The following MARCHF1 variants were observed in gnomAD, a reference collection of about 807,000 sequenced individuals.
MARCHF1 encodes E3 ubiquitin-protein ligase MARCHF1.
In MARCHF1, 40 loss-of-function variants were observed where a neutral mutation model predicts 54.2. The ratio of observed to expected loss-of-function variants is 0.74; its 90% confidence interval spans 0.57 to 0.96. MARCHF1 has a LOEUF of 0.96. Ranked by LOEUF, MARCHF1 falls within the 40% of genes least tolerant of loss-of-function variation. MARCHF1 has a pLI of 0.00. For missense variants in MARCHF1, 586 were observed against 656.5 expected (o/e 0.89, Z 1.17); for synonymous variants, 236 against 236.3 (o/e 1.00, Z 0.01).
At position 163,683,760 on chromosome 4, in the gene MARCHF1, T is replaced by A. The variant is rs79753833; in HGVS notation, c.162+17053A>T. Among the ~76,000 whole-genome samples the A allele has an allele frequency of 1.4e-3, 213 of 152,366 alleles. 7 individuals are homozygous for A. In the East Asian group the frequency reaches 0.039, roughly 28 times the overall value. ...ACACATTATTTCAAAACTTAGTGGC[T>A]TAAAATGATGACAATTTATTTTGCT... On this transcript the variant is annotated intron_variant, in intron 5 of 9. Coordinates refer to ENST00000514618, the MANE Select transcript of MARCHF1 (RefSeq NM_001394959.1).
intron 3 of MARCHF1, among the ~76,000 whole-genome samples, chr4:163,891,100 G>C (rs1750651594): frequency 6.6e-6 from 1 of 152,062 alleles, no homozygotes; most frequent in African/African-American, 2.4e-5. Flanking sequence ...CATGTGAGGA[G>C]AGGAAAGGTC....
intron 4 of MARCHF1, among the ~76,000 whole-genome samples, chr4:163,781,960 A>G (rs1194114947): frequency 6.6e-6 from 1 of 152,180 alleles, no homozygotes; most frequent in African/African-American, 2.4e-5. Context: ...ACATAGGTGA[A>G]GTCAGATAAG....
chr4:164,325,093 G>A (rs1354458337), intron 1 of MARCHF1, among the ~76,000 whole-genome samples: 1 of 151,770 alleles, frequency 6.6e-6, no homozygotes, highest in Non-Finnish European at 1.5e-5. Context: ...ATTAGCATAG[G>A]AATAGTAGAC....
chr4:164,024,512 T>TA (rs1159153639), intron 2 of MARCHF1, among the ~76,000 whole-genome samples: 2 of 152,088 alleles, frequency 1.3e-5, no homozygotes, highest in African/African-American at 2.4e-5. Context: ...GAAGGAGAAA[T>TA]AAAATCCTTC....
chr4:164,309,289 T>C (rs1056567186), intron 1 of MARCHF1, among the ~76,000 whole-genome samples: 12 of 145,778 alleles, frequency 8.2e-5, no homozygotes, highest in South Asian at 4.4e-4. Context: ...TGTGTGCGCG[T>C]GTGTGTCTGT....
chr4:163,795,299 G>T (rs1360071070), intron 4 of MARCHF1, among the ~76,000 whole-genome samples: 1 of 151,946 alleles, frequency 6.6e-6, no homozygotes, highest in Admixed American at 6.6e-5. Context: ...GTGCAATCTT[G>T]GCTCACTGCA....
At chr4:163,626,479 TTTAG>T (rs1425474446) in intron 5 of MARCHF1, among the ~76,000 whole-genome samples, 2 of 152,228 alleles carry the variant, frequency 1.3e-5, no homozygotes, top group Non-Finnish European at 2.9e-5. Context: ...GTTTCTCTTA[TTTAG>T]TAACACATTA....
chr4:164,197,273 C>G, intron 1 of MARCHF1: 1 of 1,611,336 alleles, frequency 6.2e-7, no homozygotes, highest in Non-Finnish European at 8.5e-7. Flanking sequence ...TCCTTGTGGT[C>G]CCAGTAACAG....
chr4:164,014,601 G>A (rs546133564), intron 2 of MARCHF1, among the ~76,000 whole-genome samples: 17 of 151,978 alleles, frequency 1.1e-4, no homozygotes, highest in African/African-American at 3.6e-4. Context: ...ATAGAGTGGT[G>A]GAATCAATAA....
At chr4:163,773,469 C>T (rs1747216018) in intron 4 of MARCHF1, among the ~76,000 whole-genome samples, 1 of 152,052 alleles carries the variant, frequency 6.6e-6, no homozygotes, top group Non-Finnish European at 1.5e-5. Flanking sequence ...TTTTATAAGC[C>T]ACACGAAGAC....
intron 5 of MARCHF1, among the ~76,000 whole-genome samples, chr4:163,697,311 G>A (rs925645565): frequency 1.4e-4 from 22 of 152,126 alleles, no homozygotes; most frequent in African/African-American, 5.3e-4. Context: ...ATCCTTAACA[G>A]GTAGGGTGAA....
At chr4:164,372,469 TA>T (rs1363869634) in intron 1 of MARCHF1, among the ~76,000 whole-genome samples, 1 of 152,174 alleles carries the variant, frequency 6.6e-6, no homozygotes, top group Non-Finnish European at 1.5e-5. Context: ...AAGAAGTCAA[TA>T]TTTTTTAACT....
chr4:163,583,666 T>TTTTTTTTTTG (rs1740310671), intron 8 of MARCHF1: 4 of 139,818 alleles, frequency 2.9e-5, no homozygotes, highest in South Asian at 2.3e-4. Flanking sequence ...TTTTTTTTTT[T>TTTTTTTTTTG]GGAGACAAAG....
intron 5 of MARCHF1, among the ~76,000 whole-genome samples, chr4:163,684,494 C>A (rs530939294): frequency 1.0e-3 from 155 of 152,322 alleles, no homozygotes; most frequent in African/African-American, 3.5e-3. Context: ...AGAGCACTAC[C>A]ATTTGTTCTT....
chr4:164,049,638 C>T (rs574856827), intron 2 of MARCHF1, among the ~76,000 whole-genome samples: 2 of 152,078 alleles, frequency 1.3e-5, no homozygotes, highest in East Asian at 3.9e-4. Context: ...TATCCTTTTT[C>T]TAAATAAAAT....
intron 3 of MARCHF1, among the ~76,000 whole-genome samples, chr4:163,960,954 C>T (rs1752335173): frequency 6.6e-6 from 1 of 151,804 alleles, no homozygotes; most frequent in Non-Finnish European, 1.5e-5. Context: ...AGACAGCCAC[C>T]CTGTCACTGT....
chr4:164,338,586 C>T (rs1318773632), intron 1 of MARCHF1, among the ~76,000 whole-genome samples: 3 of 151,640 alleles, frequency 2.0e-5, no homozygotes, highest in East Asian at 1.9e-4. Flanking sequence ...CAAATGGAAA[C>T]AAAAAAAGAG....
At chr4:164,168,258 AAAGAT>A (rs1354111206) in intron 1 of MARCHF1, among the ~76,000 whole-genome samples, 1 of 152,036 alleles carries the variant, frequency 6.6e-6, no homozygotes, top group Non-Finnish European at 1.5e-5. Flanking sequence ...CTGTTATAAA[AAAGAT>A]AAGAGATAGC....
chr4:164,236,049 T>C (rs933420958), intron 1 of MARCHF1, among the ~76,000 whole-genome samples: 4 of 152,110 alleles, frequency 2.6e-5, no homozygotes, highest in African/African-American at 4.8e-5. Context: ...ATACTCTCAA[T>C]AGAATCTTCC....
Sources: gnomAD v4.1 joint callset for allele counts (sites outside exome capture counted in the v4.1 genomes callset) on GRCh38, gnomAD v4.1.1 for gene constraint, MANE v1.5 for transcripts, NCBI Gene and HGNC (gene_info 2026-07-23, HGNC 2026-07-21) for gene names.